Variants in HSPBAP1 observed in about 807,000 individuals in gnomAD.
HSPBAP1 encodes HSPB1-associated protein 1.
In HSPBAP1, 27 loss-of-function variants were observed where a neutral mutation model predicts 45.2. That is an observed-to-expected ratio of 0.60 (90% CI 0.44 to 0.82). The LOEUF (loss-of-function observed/expected upper bound fraction) is 0.82, where lower values mean the gene tolerates loss of function less well. HSPBAP1 is among the 40% of genes least tolerant of loss of function. The pLI is 0.00. For synonymous variants in HSPBAP1, 204 were observed against 202.7 expected, an observed-to-expected ratio of 1.01 and a Z score of -0.06; for missense variants, 510 against 590.9, an observed-to-expected ratio of 0.86 and a Z score of 1.42.
intron 3 of HSPBAP1, among the ~76,000 whole-genome samples, chr3:122,762,134 A>G (rs1327393777): frequency 6.6e-6 from 1 of 152,216 alleles, no homozygotes; most frequent in Non-Finnish European, 1.5e-5. Flanking sequence ...TTGACCACTT[A>G]CTACAAAATC....
chr3:122,783,746 T>G (rs752611588), intron 1 of HSPBAP1, among the ~76,000 whole-genome samples: 1 of 151,852 alleles, frequency 6.6e-6, no homozygotes, highest in African/African-American at 2.4e-5. Flanking sequence ...TAACAAGGTT[T>G]GTTTGTACAG....
intron 6 of HSPBAP1, among the ~76,000 whole-genome samples, chr3:122,748,088 C>T (rs1358576586): frequency 1.3e-5 from 2 of 152,214 alleles, no homozygotes; most frequent in Non-Finnish European, 1.5e-5. Flanking sequence ...TTACCCCCAA[C>T]CCTGTGCTCT....
intron 1 of HSPBAP1, among the ~76,000 whole-genome samples, chr3:122,778,944 G>A (rs1935297146): frequency 6.6e-6 from 1 of 151,976 alleles, no homozygotes. Flanking sequence ...ACTTTTCTTC[G>A]ACCTATAAAA....
In HSPBAP1 at chr3:122,773,975, A is replaced by G. The variant is rs537234779; in HGVS notation, c.250+3746T>C. Among the ~76,000 whole-genome samples, 9 of 152,338 alleles carry G rather than the reference A, an allele frequency of 5.9e-5. No homozygotes were observed. The East Asian group carries it at 1.7e-3, about 29-fold the overall frequency. ...TAAGATAAATTTCAGTTTTGGCCAA[A>G]GAGTAGCAAAACAGGAACCCTCACA... On this transcript the variant is annotated intron_variant, in intron 2 of 7. Coordinates refer to ENST00000306103, the MANE Select transcript of HSPBAP1 (RefSeq NM_024610.6).
intron 1 of HSPBAP1, among the ~76,000 whole-genome samples, chr3:122,779,516 A>T (rs1274703414): frequency 6.7e-6 from 1 of 148,520 alleles, no homozygotes; most frequent in Non-Finnish European, 1.5e-5. Flanking sequence ...TTATTTATTT[A>T]TTTATTTTTT....
At chr3:122,744,048 G>A (rs534391559) in intron 6 of HSPBAP1, among the ~76,000 whole-genome samples, 3 of 150,466 alleles carry the variant, frequency 2.0e-5, no homozygotes, top group South Asian at 4.2e-4. Context: ...TAGTTTTCGG[G>A]TTAGGTAATG....
intron 2 of HSPBAP1, among the ~76,000 whole-genome samples, chr3:122,776,667 A>G (rs1400578254): frequency 6.6e-6 from 1 of 152,242 alleles, no homozygotes; most frequent in Non-Finnish European, 1.5e-5. Context: ...AAAAGGCACA[A>G]TTTGATTTTT....
At chr3:122,765,743 A>G (rs902042576) in intron 3 of HSPBAP1, among the ~76,000 whole-genome samples, 1 of 152,224 alleles carries the variant, frequency 6.6e-6, no homozygotes, top group African/African-American at 2.4e-5. Context: ...TGGAAGATCT[A>G]CTAATTCAGT....
rs568664014 is a variant in HSPBAP1 at position 122,744,693 on chromosome 3, G to T, written c.826-3580C>A. Among the ~76,000 whole-genome samples the T allele has an allele frequency of 6.6e-5, 10 of 152,254 alleles. No individual in the cohort carries two copies. The South Asian group carries it at 2.1e-3, about 32-fold the overall frequency. On this transcript the variant is annotated intron_variant, in intron 6 of 7. Coordinates refer to ENST00000306103, the MANE Select transcript of HSPBAP1 (RefSeq NM_024610.6). ...ACCTTGGAGTCTGTTTATAGTCAAC[G>T]ATACTAATCCTTTGGAAAATTATAC...
At chr3:122,752,983 C>T (rs916650500) in intron 5 of HSPBAP1, 25 of 1,079,706 alleles carry the variant, frequency 2.3e-5, no homozygotes, top group East Asian at 2.0e-4. Flanking sequence ...TCCTCCTTTC[C>T]GTCACAAAAT....
intron 2 of HSPBAP1, 122 bp from the exon 3 acceptor site, chr3:122,769,004 G>T: frequency 1.4e-6 from 1 of 717,216 alleles, no homozygotes; most frequent in Non-Finnish European, 2.2e-6. Flanking sequence ...TTAAAAATTC[G>T]TGTTGAGCCA....
chr3:122,745,879 T>C (rs1933829713), intron 6 of HSPBAP1, among the ~76,000 whole-genome samples: 2 of 152,200 alleles, frequency 1.3e-5, no homozygotes, highest in South Asian at 4.1e-4. Context: ...GAAAAAATTA[T>C]GGTAGTTTTG....
At chr3:122,786,765 G>A (rs1434815598) in intron 1 of HSPBAP1, among the ~76,000 whole-genome samples, 1 of 152,128 alleles carries the variant, frequency 6.6e-6, no homozygotes, top group Non-Finnish European at 1.5e-5. Context: ...AAGCAGAGTA[G>A]CAGGATGTTC....
chr3:122,773,262 C>A (rs1935064659), intron 2 of HSPBAP1, among the ~76,000 whole-genome samples: 1 of 149,894 alleles, frequency 6.7e-6, no homozygotes, highest in South Asian at 2.1e-4. Context: ...TACTAATAAA[C>A]ATGAACGTAT....
intron 6 of HSPBAP1, among the ~76,000 whole-genome samples, chr3:122,745,212 A>T (rs996443525): frequency 2.6e-5 from 4 of 151,850 alleles, no homozygotes; most frequent in Admixed American, 6.6e-5. Context: ...ATTAGAAAGG[A>T]AGAAGAAAAA....
chr3:122,749,526 A>C (rs1934049298), intron 6 of HSPBAP1, among the ~76,000 whole-genome samples: 1 of 152,164 alleles, frequency 6.6e-6, no homozygotes, highest in Admixed American at 6.5e-5. Flanking sequence ...TAATAAAAAG[A>C]ATTGCAAAGA....
rs1403665336 is a variant in HSPBAP1, at chr3:122,781,115, C to T, written c.65-3209G>A. On this transcript the variant is annotated intron_variant, in intron 1 of 7. Coordinates refer to ENST00000306103, the MANE Select transcript of HSPBAP1 (RefSeq NM_024610.6). ...GGCTCCTCACATCCCAGACGATGGG[C>T]GGCCAGGCAGAGACGCTCCTCACTT... is the stretch of plus-strand genomic sequence containing the variant. Among the ~76,000 whole-genome samples the T allele has an allele frequency of 6.6e-5, 10 of 151,692 alleles. No individual in the cohort carries two copies. The South Asian group carries it at 1.3e-3, about 19-fold the overall frequency.
chr3:122,740,151 C>CA lies in HSPBAP1; in HGVS notation c.*193dup, dbSNP rs1933604587. The CA allele has an allele frequency of 2.7e-6, 1 of 367,802 alleles. No individual in the cohort carries two copies. The highest frequency in any genetic ancestry group is 4.7e-6 in the Non-Finnish European group (1 of 211,904). The allele number at this position is 367,802 out of a possible 1,614,324, so 22.8% of individuals were successfully genotyped here. ...TGAGAGAGGAACAAAAGCTTACAAA[C>CA]AAAGAGCAGCCAGTTTGGCCAAAGA... On this transcript the variant is annotated 3_prime_UTR_variant, in exon 8 of 8. Transcript: ENST00000306103.
At chr3:122,753,075 A>C in intron 5 of HSPBAP1, 1 of 703,226 alleles carries the variant, frequency 1.4e-6, no homozygotes, top group Non-Finnish European at 1.8e-6. Context: ...AATCTAGCCA[A>C]TGAGAAGATA....
Sources: allele counts gnomAD v4.1 joint callset (sites outside exome capture counted in the v4.1 genomes callset), GRCh38; gene constraint gnomAD v4.1.1; transcripts MANE v1.5; gene names NCBI Gene and HGNC (gene_info 2026-07-23, HGNC 2026-07-21).